The following TM2D1 variants were observed in gnomAD, a reference collection of about 807,000 sequenced individuals.
The protein encoded by TM2D1 is TM2 domain containing 1.
Under a neutral mutation model 28.4 loss-of-function variants are expected in TM2D1, and 15 were observed. The ratio of observed to expected loss-of-function variants is 0.53; its 90% CI spans 0.35 to 0.81. The LOEUF (loss-of-function observed/expected upper bound fraction) is 0.81, where lower values mean the gene tolerates loss of function less well. Ranked by LOEUF, TM2D1 falls within the 40% of genes least tolerant of loss-of-function variation. The pLI is 0.01. For missense variants in TM2D1, 236 were observed against 254.9 expected, an observed-to-expected ratio of 0.93 and a Z score of 0.50; for synonymous variants, 93 against 96.2, an observed-to-expected ratio of 0.97 and a Z score of 0.20.
rs1338007600 is a variant in TM2D1 at position 61,703,470 on chromosome 1, T to C, written c.348-2445A>G. On this transcript the variant is annotated intron_variant, in intron 3 of 6. Coordinates refer to ENST00000606498, the MANE Select transcript of TM2D1 (RefSeq NM_032027.3). ...CTCTGTTGCCCAGGATGGAATGCAATGGCACGATCTCGGCTTATTGCAACC... is the reference window on the plus strand; with the variant it reads ...CTCTGTTGCCCAGGATGGAATGCAACGGCACGATCTCGGCTTATTGCAACC... 4.0e-4 allele frequency among the ~76,000 whole-genome samples: 59 copies of C among 145,902 alleles called. 2 individuals are homozygous for C. Among genetic ancestry groups the C allele is most frequent in the Non-Finnish European group, 9.0e-5 (6 of 66,620 alleles).
chr1:61,695,436 A>G lies in TM2D1; in HGVS notation c.440-666T>C, dbSNP rs1291422743. ...AGAGTATCTAATATGGGACATCTAC[A>G]ATAATATAACCCAAAAACGATTGTA... On this transcript the variant is annotated intron_variant, in intron 4 of 6. Transcript: ENST00000606498. Among the ~76,000 whole-genome samples the G allele has an allele frequency of 2.0e-5, 3 of 152,176 alleles. No homozygotes were observed. In the East Asian group the frequency reaches 5.8e-4, roughly 29 times the overall value.
intron 2 of TM2D1, among the ~76,000 whole-genome samples, chr1:61,718,290 C>CA (rs11356996): frequency 1.5e-3 from 215 of 142,564 alleles, no homozygotes; most frequent in Non-Finnish European, 2.2e-3. Flanking sequence ...ACCCCATCTC[C>CA]AAAAAAAAAA....
intron 4 of TM2D1, chr1:61,698,375 C>G (rs1570105889): frequency 6.6e-6 from 1 of 152,230 alleles, no homozygotes; most frequent in Non-Finnish European, 1.5e-5. Context: ...GCCTGACCAA[C>G]ATGGAGAAAC....
At position 61,683,432 on chromosome 1, in the gene TM2D1, AT is replaced by A. The variant is rs1644262232; in HGVS notation, c.*3del. ...TATCACTTACTGTTTCTTTTAAAAA[AT>A]ATTTATGGATATAATTGCGTTTTTC... On this transcript the variant is annotated 3_prime_UTR_variant, in exon 6 of 7. Coordinates refer to ENST00000606498, the MANE Select transcript of TM2D1 (RefSeq NM_032027.3). The A allele has an allele frequency of 5.7e-6, 7 of 1,234,812 alleles. No homozygotes were observed. The highest frequency in any genetic ancestry group is 1.6e-5 in the African/African-American group (1 of 64,286). The allele number at this position is 1,234,812 out of a possible 1,614,324, so 76.5% of individuals were successfully genotyped here.
intron 3 of TM2D1, among the ~76,000 whole-genome samples, chr1:61,702,314 G>A (rs992801325): frequency 6.6e-6 from 1 of 151,598 alleles, no homozygotes. Flanking sequence ...TGCAATTTTA[G>A]ACCTTATATA....
intron 4 of TM2D1, chr1:61,696,016 T>C (rs1394303407): frequency 2.0e-5 from 3 of 152,158 alleles, no homozygotes; most frequent in Non-Finnish European, 2.9e-5. Flanking sequence ...AATTGATAAA[T>C]ATTCTCGTAT....
chr1:61,723,479 C>CT (rs2148072599), intron 2 of TM2D1, among the ~76,000 whole-genome samples: 1 of 152,232 alleles, frequency 6.6e-6, no homozygotes, highest in Non-Finnish European at 1.5e-5. Context: ...ACGTCCAGCC[C>CT]TATTATTGTT....
intron 2 of TM2D1, among the ~76,000 whole-genome samples, chr1:61,720,878 C>T (rs1404035464): frequency 2.0e-5 from 3 of 152,094 alleles, no homozygotes; most frequent in African/African-American, 7.2e-5. Context: ...CCCCAAACTC[C>T]CCTCTGTAAA....
intron 1 of TM2D1, among the ~76,000 whole-genome samples, chr1:61,724,094 C>T (rs911936589): frequency 4.6e-5 from 7 of 152,118 alleles, no homozygotes; most frequent in Non-Finnish European, 1.0e-4. Context: ...CCATAATTAT[C>T]CACGTTTTTA....
At position 61,691,932 on chromosome 1, in the gene TM2D1, A is replaced by AAAAAAAAATATATATAT; in HGVS notation, c.513+2764_513+2765insATATATATATTTTTTTT. Among the ~76,000 whole-genome samples, 131 of 76,318 alleles carry AAAAAAAAATATATATAT rather than the reference A, an allele frequency of 1.7e-3. 1 individual carries two copies. The highest frequency in any genetic ancestry group is 3.5e-3 in the South Asian group (8 of 2,280). 50.1% of individuals were successfully genotyped at this position (76,318 alleles called of 152,430 possible). On this transcript the variant is annotated intron_variant, in intron 5 of 6. Coordinates refer to ENST00000606498, the MANE Select transcript of TM2D1 (RefSeq NM_032027.3). Reference sequence around the variant, plus strand: ...TCTCAAAAAAAACTTAAAAAAAAAAAATATATATATATATATATATATATA... The same window carrying AAAAAAAAATATATATAT: ...TCTCAAAAAAAACTTAAAAAAAAAAAAAAAAAAATATATATATATATATATATATATATATATATATA...
intron 4 of TM2D1, among the ~76,000 whole-genome samples, chr1:61,695,531 C>A (rs1260332566): frequency 6.6e-6 from 1 of 152,090 alleles, no homozygotes; most frequent in Non-Finnish European, 1.5e-5. Context: ...GAGTTTCTTA[C>A]AAGACATCTC....
intron 2 of TM2D1, among the ~76,000 whole-genome samples, chr1:61,719,014 G>A (rs540774919): frequency 1.7e-4 from 26 of 152,212 alleles, no homozygotes; most frequent in Admixed American, 7.2e-4. Context: ...ACTAAAGTTG[G>A]TAACTGAACT....
chr1:61,697,080 T>C (rs1189881274), intron 4 of TM2D1, among the ~76,000 whole-genome samples: 1 of 152,198 alleles, frequency 6.6e-6, no homozygotes, highest in Non-Finnish European at 1.5e-5. Context: ...TCTGTGTTCA[T>C]GAAGTATTTT....
rs6678289 is a variant in TM2D1, at chr1:61,709,299, T to C, written c.347+30A>G. The C allele has an allele frequency of 0.018, 25,088 of 1,379,868 alleles. 1,975 individuals are homozygous for C. The African/African-American group carries it at 0.24, about 13-fold the overall frequency. The allele number at this position is 1,379,868 out of a possible 1,614,324, so 85.5% of individuals were successfully genotyped here. On this transcript the variant is annotated intron_variant, in intron 3 of 6. Transcript: ENST00000606498. ...GAAGATATAATATAGGCAAGTAATCTGAAAATTTAAGTTTCAGTAATGTAC... is the reference window on the plus strand; with the variant it reads ...GAAGATATAATATAGGCAAGTAATCCGAAAATTTAAGTTTCAGTAATGTAC...
At chr1:61,697,525 T>C (rs1644371765) in intron 4 of TM2D1, 1 of 144,784 alleles carries the variant, frequency 6.9e-6, no homozygotes, top group African/African-American at 2.5e-5. Flanking sequence ...TTAAAACAGC[T>C]TTATTGAGTT....
chr1:61,699,830 G>C (rs1644389386), intron 4 of TM2D1: 1 of 172,222 alleles, frequency 5.8e-6, no homozygotes. Context: ...TTGAATATAT[G>C]TTTAATTAAC....
At chr1:61,713,773 CTTA>C (rs1644496260) in intron 2 of TM2D1, among the ~76,000 whole-genome samples, 2 of 152,062 alleles carry the variant, frequency 1.3e-5, no homozygotes, top group South Asian at 2.1e-4. Context: ...ATACAAGACA[CTTA>C]TTATGATACC....
intron 2 of TM2D1, among the ~76,000 whole-genome samples, chr1:61,715,203 T>C (rs888544614): frequency 6.6e-6 from 1 of 152,148 alleles, no homozygotes; most frequent in African/African-American, 2.4e-5. Context: ...AATGATTTAT[T>C]TGAAAAGATC....
At chr1:61,715,318 G>C (rs1644508388) in intron 2 of TM2D1, among the ~76,000 whole-genome samples, 1 of 152,066 alleles carries the variant, frequency 6.6e-6, no homozygotes, top group Admixed American at 6.6e-5. Context: ...TCTGAATCGT[G>C]TTTCCAATCT....
Sources: gnomAD v4.1 joint callset for allele counts (sites outside exome capture counted in the v4.1 genomes callset) on GRCh38, gnomAD v4.1.1 for gene constraint, MANE v1.5 for transcripts, NCBI Gene and HGNC (gene_info 2026-07-23, HGNC 2026-07-21) for gene names.